Variants in EXPH5 observed in about 807,000 individuals in gnomAD.
EXPH5 encodes exophilin-5.
EXPH5 carries 42 observed loss-of-function variants against 41.1 expected under a neutral mutation model. That is an observed-to-expected ratio of 1.02 (90% CI 0.80 to 1.32). The LOEUF (loss-of-function observed/expected upper bound fraction) is 1.32, where lower values mean the gene tolerates loss of function less well. Among genes scored for constraint, EXPH5 ranks in the 40% most tolerant of loss-of-function variants. The pLI is 0.00. For missense variants in EXPH5, 2,298 were observed against 2,314.5 expected (o/e 0.99, Z 0.15); for synonymous variants, 798 against 833.5 (o/e 0.96, Z 0.73).
intron 5 of EXPH5, among the ~76,000 whole-genome samples, chr11:108,515,945 G>T (rs1017626157): frequency 1.3e-5 from 2 of 151,886 alleles, no homozygotes; most frequent in Non-Finnish European, 2.9e-5. Flanking sequence ...GGTGGCGGGC[G>T]CCTGTAGTCT....
rs146216475 is a variant in EXPH5, at chr11:108,575,701, C to T, written c.119+17717G>A. On this transcript the variant is annotated intron_variant, in intron 1 of 5. Transcript: ENST00000265843. ...AAGTAATGTGGGCGAAGGCTGGGTG[C>T]GGTGGCTCATGCCTGTAATCCCAGC... Among the ~76,000 whole-genome samples, 8 of 152,266 alleles carry T rather than the reference C, an allele frequency of 5.3e-5. No individual in the cohort carries two copies. In the South Asian group the frequency reaches 8.3e-4, roughly 16 times the overall value.
chr11:108,529,106 G>A lies in EXPH5; in HGVS notation c.444-922C>T, dbSNP rs117143889. ...TTATTTTAAAGAGCAATTAAGTAACGACCAGATTTAACAGTACATAATTTA... is the reference window on the plus strand; with the variant it reads ...TTATTTTAAAGAGCAATTAAGTAACAACCAGATTTAACAGTACATAATTTA... On this transcript the variant is annotated intron_variant, in intron 3 of 5. Coordinates refer to ENST00000265843, the MANE Select transcript of EXPH5 (RefSeq NM_015065.3). 6.0e-4 allele frequency among the ~76,000 whole-genome samples: 90 copies of A among 150,872 alleles called. No individual in the cohort carries two copies. In the East Asian group the frequency reaches 0.013, roughly 21 times the overall value.
At chr11:108,601,618 A>G in the EXPH5 span, among the ~76,000 whole-genome samples, 2 of 152,240 alleles carry the variant, frequency 1.3e-5, no homozygotes, top group Non-Finnish European at 2.9e-5. Context: ...AGTAAAATCT[A>G]TGAAAACTTT....
At chr11:108,574,880 C>T (rs367546655) in intron 1 of EXPH5, among the ~76,000 whole-genome samples, 11 of 152,234 alleles carry the variant, frequency 7.2e-5, no homozygotes, top group African/African-American at 1.4e-4. Flanking sequence ...CTTTCTGCCT[C>T]GAATATGAAT....
chr11:108,535,716 C>T (rs866162388), intron 3 of EXPH5, among the ~76,000 whole-genome samples: 3 of 152,120 alleles, frequency 2.0e-5, no homozygotes, highest in African/African-American at 7.2e-5. Context: ...GAGCCGTGTA[C>T]GACCTATGGG....
At chr11:108,602,691 C>T in the EXPH5 span, among the ~76,000 whole-genome samples, 1 of 152,050 alleles carries the variant, frequency 6.6e-6, no homozygotes, top group African/African-American at 2.4e-5. Flanking sequence ...GGACTACTGG[C>T]GTGAGCCATC....
chr11:108,539,499 T>A (rs191957565), intron 2 of EXPH5, among the ~76,000 whole-genome samples: 1 of 152,346 alleles, frequency 6.6e-6, no homozygotes, highest in Admixed American at 6.5e-5. Flanking sequence ...ATTCTCATGT[T>A]CCTTAACCAT....
At chr11:108,541,194 C>T (rs2093910787) in intron 2 of EXPH5, among the ~76,000 whole-genome samples, 1 of 152,102 alleles carries the variant, frequency 6.6e-6, no homozygotes, top group Non-Finnish European at 1.5e-5. Context: ...TGTGAGCCAC[C>T]CCCGACCCCC....
Position 108,539,054 on chromosome 11 carries a change from G to A in EXPH5, c.413C>T (p.Thr138Ile). 1 of 1,604,144 alleles carries A rather than the reference G, an allele frequency of 6.2e-7. No homozygotes were observed. The highest frequency in any genetic ancestry group is 8.5e-7 in the Non-Finnish European group (1 of 1,174,342). ...LFSFRKSGKE[T>I]SKLPSLGQKG... ...CTGTCCCAGTGATGGAAGCTTTGAAGTCTCCTTTCCAGATTTCCTGAATGA... is the reference window on the plus strand; with the variant it reads ...CTGTCCCAGTGATGGAAGCTTTGAAATCTCCTTTCCAGATTTCCTGAATGA... Residue 138 changes from threonine to isoleucine, a missense_variant, in exon 3 of 6, where the codon ACT becomes ATT. Thr to Ile is a moderately conservative substitution (Grantham distance 89). Coordinates refer to ENST00000265843, the MANE Select transcript of EXPH5 (RefSeq NM_015065.3).
At chr11:108,525,576 T>C (rs2093793366) in intron 4 of EXPH5, among the ~76,000 whole-genome samples, 1 of 152,220 alleles carries the variant, frequency 6.6e-6, no homozygotes, top group Non-Finnish European at 1.5e-5. Flanking sequence ...CTTATGCAAA[T>C]GTTTAAGTAG....
At position 108,513,200 on chromosome 11, in the gene EXPH5, T is replaced by G. The variant is rs758575225; in HGVS notation, c.2307A>C (p.Ser769=). ...TATCTTTCCTGGAAAAGACTCTGGG[T>G]GACTTTTTTGAACTTATTATGGTAG... ...NASTIISSKK[S]PRVFSRKDTS... The change falls in exon 6 of 6, where the codon TCA becomes TCC. Residue 769 remains serine (S), a synonymous_variant. Transcript: ENST00000265843. 3.7e-6 allele frequency: 6 copies of G among 1,613,996 alleles called. No individual in the cohort carries two copies. Among genetic ancestry groups the G allele is most frequent in the Middle Eastern group, 1.6e-4 (1 of 6,080 alleles).
At chr11:108,591,959 A>G (rs1412427543) in intron 1 of EXPH5, among the ~76,000 whole-genome samples, 1 of 152,246 alleles carries the variant, frequency 6.6e-6, no homozygotes, top group Non-Finnish European at 1.5e-5. Flanking sequence ...AGAGACAAGA[A>G]ACATTTCCAA....
chr11:108,593,318 C>T, intron 1 of EXPH5, 100 bp downstream of exon 1: 1 of 1,042,426 alleles, frequency 9.6e-7, no homozygotes, highest in African/African-American at 1.6e-5. Flanking sequence ...CTCGGAGCAC[C>T]CCCGGGCAGG....
At position 108,506,545 on chromosome 11, in the gene EXPH5, G is replaced by A. The variant is rs2093644899; in HGVS notation, c.*2992C>T. 2 of 151,932 alleles carry A rather than the reference G, an allele frequency of 1.3e-5. No homozygotes were observed. Among genetic ancestry groups the A allele is most frequent in the Non-Finnish European group, 2.9e-5 (2 of 68,012 alleles). 9.4% of individuals were successfully genotyped at this position (151,932 alleles called of 1,614,324 possible). A position where few individuals can be genotyped will look rare whatever the true frequency, so the allele number is the denominator to read the frequency against. ...AGCTAACTTCATTTCACCTTTTGTA[G>A]CATACACGTAGACTCAGAGTATATA... On this transcript the variant is annotated 3_prime_UTR_variant, in exon 6 of 6. Coordinates refer to ENST00000265843, the MANE Select transcript of EXPH5 (RefSeq NM_015065.3).
At chr11:108,573,241 G>GAAGC (rs1197340989) in intron 1 of EXPH5, among the ~76,000 whole-genome samples, 1 of 151,326 alleles carries the variant, frequency 6.6e-6, no homozygotes, top group Admixed American at 6.6e-5. Context: ...AACCAGCAAG[G>GAAGC]AAGCAAGCAA....
At chr11:108,583,679 A>T (rs868007961) in intron 1 of EXPH5, among the ~76,000 whole-genome samples, 51 of 150,340 alleles carry the variant, frequency 3.4e-4, no homozygotes, top group Middle Eastern at 6.9e-3. Context: ...TAACAAAAAA[A>T]TAAAAATAAA....
the EXPH5 span, among the ~76,000 whole-genome samples, chr11:108,607,117 A>G: frequency 2.6e-5 from 4 of 152,190 alleles, no homozygotes; most frequent in African/African-American, 9.7e-5. Flanking sequence ...AAAATCACTA[A>G]TGAAAATATC....
chr11:108,562,000 G>A (rs1029413083), intron 1 of EXPH5, among the ~76,000 whole-genome samples: 6 of 152,162 alleles, frequency 3.9e-5, no homozygotes, highest in Admixed American at 1.3e-4. Context: ...TCAACATTCC[G>A]GTTCCTGAGG....
At position 108,539,031 on chromosome 11, in the gene EXPH5, G is replaced by A; in HGVS notation, c.436C>T (p.Gln146Ter). The A allele has an allele frequency of 6.3e-7, 1 of 1,592,452 alleles. No individual in the cohort carries two copies. The highest frequency in any genetic ancestry group is 8.6e-7 in the Non-Finnish European group (1 of 1,168,636). The change falls in exon 3 of 6, where the codon CAG becomes TAG. Residue 146 changes from glutamine (Q) to a stop codon, truncating the protein, a stop_gained. Coordinates refer to ENST00000265843, the MANE Select transcript of EXPH5 (RefSeq NM_015065.3). LOFTEE classifies it high-confidence loss of function. ...KETSKLPSLG[Q>*]KGCDGHAGPP... ...GACCTGAGTTTAACTCACCCTTTCT[G>A]TCCCAGTGATGGAAGCTTTGAAGTC...
Sources: allele counts gnomAD v4.1 joint callset (sites outside exome capture counted in the v4.1 genomes callset), GRCh38; gene constraint gnomAD v4.1.1; transcripts MANE v1.5; gene names NCBI Gene and HGNC (gene_info 2026-07-23, HGNC 2026-07-21).